Variants in DYSF observed in about 807,000 individuals in gnomAD.
DYSF encodes the protein dysferlin.
In DYSF, 212 loss-of-function variants were observed where a neutral mutation model predicts 274.9. That is an observed-to-expected ratio of 0.77 (90% confidence interval 0.69 to 0.86). DYSF has a LOEUF of 0.86. DYSF is among the 40% of genes least tolerant of loss of function. The pLI is 0.00. For synonymous variants in DYSF, 1,091 were observed against 1,078.7 expected (o/e 1.01, Z -0.22); for missense variants, 2,666 against 2,783.2 (o/e 0.96, Z 0.95).
chr2:71,667,281 C>T (rs2095031486), intron 47 of DYSF, 95 bp from the exon 48 acceptor site: 1 of 1,590,820 alleles, frequency 6.3e-7, no homozygotes, highest in Admixed American at 1.7e-5. Context: ...CTTCTTATGA[C>T]TCTTAGGCAG....
intron 2 of DYSF, 102 bp from the exon 3 acceptor site, chr2:71,481,777 A>G: frequency 1.2e-6 from 1 of 857,284 alleles, no homozygotes; most frequent in South Asian, 1.4e-5. Flanking sequence ...AGAATCATTC[A>G]TGAATGCCTA....
chr2:71,649,583 A>G (rs1352673115), intron 42 of DYSF, among the ~76,000 whole-genome samples: 1 of 152,220 alleles, frequency 6.6e-6, no homozygotes, highest in East Asian at 1.9e-4. Context: ...ATAAATGTAT[A>G]TAAATACTAG....
chr2:71,682,274 A>C (rs776918066), intron 54 of DYSF, among the ~76,000 whole-genome samples: 1 of 152,054 alleles, frequency 6.6e-6, no homozygotes. Flanking sequence ...ATGGCAGAGA[A>C]ACTGGGCCAC....
At chr2:71,535,369 C>G in intron 16 of DYSF, 58 bp downstream of exon 16, 2 of 1,533,338 alleles carry the variant, frequency 1.3e-6, no homozygotes, top group Non-Finnish European at 1.8e-6. Context: ...CGCTGGGTCC[C>G]TCAGTTTCAT....
intron 29 of DYSF, among the ~76,000 whole-genome samples, chr2:71,571,792 C>T (rs527633730): frequency 7.4e-6 from 1 of 134,752 alleles, no homozygotes; most frequent in African/African-American, 2.8e-5. Flanking sequence ...CAGATCACAC[C>T]CAGCACACAC....
chr2:71,512,754 A>G (rs1305076759), intron 5 of DYSF, among the ~76,000 whole-genome samples: 1 of 152,232 alleles, frequency 6.6e-6, no homozygotes, highest in African/African-American at 2.4e-5. Flanking sequence ...GGAGCAGCCC[A>G]TGTCTCAATT....
chr2:71,523,703 T>C (rs943195145), intron 12 of DYSF, among the ~76,000 whole-genome samples: 6 of 152,024 alleles, frequency 3.9e-5, no homozygotes, highest in African/African-American at 1.4e-4. Flanking sequence ...TGCGCCACCA[T>C]ATCCAGCTAA....
At position 71,667,531 on chromosome 2, in the gene DYSF, T is replaced by A; in HGVS notation, c.5457+16T>A. 6.2e-7 allele frequency: 1 copy of A among 1,613,872 alleles called. No individual in the cohort carries two copies. Among genetic ancestry groups the A allele is most frequent in the Non-Finnish European group, 8.5e-7 (1 of 1,179,898 alleles). On this transcript the variant is annotated intron_variant, in intron 48 of 55. Transcript: ENST00000410020. The stretch of plus-strand genomic sequence containing the variant: ...CATCGAGCAGGTAGGACCTTGACCC[T>A]TGGGTCCCAGAGTCCTCGAACTCCA...
At chr2:71,528,516 A>C (rs2088241902) in intron 14 of DYSF, 115 bp downstream of exon 14, 1 of 880,726 alleles carries the variant, frequency 1.1e-6, no homozygotes, top group Non-Finnish European at 1.8e-6. Flanking sequence ...GTGTGTGCAC[A>C]AGGAGTGGCT....
chr2:71,644,077 TC>T lies in DYSF; in HGVS notation c.4626+15del. ...GACACCCTGAAGGTAAGGCCTCTCT[TC>T]AGTCTGACAGTCGGTGTGTGTGTGC... On this transcript the variant is annotated intron_variant, in intron 42 of 55. Transcript: ENST00000410020. The T allele has an allele frequency of 6.2e-7, 1 of 1,601,810 alleles. No individual in the cohort carries two copies. The highest frequency in any genetic ancestry group is 1.3e-5 in the African/African-American group (1 of 74,882).
intron 4 of DYSF, among the ~76,000 whole-genome samples, chr2:71,509,732 T>C (rs549511624): frequency 6.6e-6 from 1 of 152,290 alleles, no homozygotes; most frequent in African/African-American, 2.4e-5. Context: ...GAAAGTTGGC[T>C]TCTGTGTCCT....
intron 30 of DYSF, among the ~76,000 whole-genome samples, chr2:71,589,254 C>G (rs2093174319): frequency 6.6e-6 from 1 of 152,182 alleles, no homozygotes; most frequent in Non-Finnish European, 1.5e-5. Flanking sequence ...CTGGACTTGT[C>G]CCTAGTGGGC....
chr2:71,623,228 G>C (rs568883175), intron 41 of DYSF, among the ~76,000 whole-genome samples: 2 of 151,956 alleles, frequency 1.3e-5, no homozygotes, highest in African/African-American at 4.8e-5. Context: ...ACATTGTGCA[G>C]GTTAGTTACA....
chr2:71,525,490 C>T (rs1342041748), intron 12 of DYSF, among the ~76,000 whole-genome samples: 1 of 152,126 alleles, frequency 6.6e-6, no homozygotes, highest in Non-Finnish European at 1.5e-5. Context: ...TCCCAGAGTG[C>T]TAGGATTACA....
At chr2:71,640,416 T>G (rs1212532157) in intron 41 of DYSF, among the ~76,000 whole-genome samples, 1 of 152,242 alleles carries the variant, frequency 6.6e-6, no homozygotes, top group Non-Finnish European at 1.5e-5. Flanking sequence ...GGCAAATTTT[T>G]TTTAAAGGGT....
intron 41 of DYSF, among the ~76,000 whole-genome samples, chr2:71,631,079 A>G (rs932361329): frequency 2.3e-4 from 35 of 152,170 alleles, no homozygotes; most frequent in African/African-American, 7.0e-4. Flanking sequence ...GCCTTATTGC[A>G]GCTCATGAGT....
chr2:71,535,102 C>T lies in DYSF; in HGVS notation c.1449+13C>T, dbSNP rs4852801. ...ACTGCCTGCCATGGTGAGCCTCCTGCCCCCAGCAAACCCAAGGAGGCCCCT... is the reference window on the plus strand; with the variant it reads ...ACTGCCTGCCATGGTGAGCCTCCTGTCCCCAGCAAACCCAAGGAGGCCCCT... On this transcript the variant is annotated intron_variant, in intron 15 of 55. Coordinates refer to ENST00000410020, the MANE Select transcript of DYSF (RefSeq NM_001130987.2). The T allele has an allele frequency of 0.64, 1,036,375 of 1,613,172 alleles. 342,006 individuals are homozygous for T. Among genetic ancestry groups the T allele is most frequent in the Middle Eastern group, 0.69 (4,174 of 6,058 alleles).
At chr2:71,498,819 T>C (rs1371084385) in intron 3 of DYSF, among the ~76,000 whole-genome samples, 1 of 152,246 alleles carries the variant, frequency 6.6e-6, no homozygotes, top group Non-Finnish European at 1.5e-5. Context: ...TCTCTTTCAC[T>C]GTCATCATTC....
At chr2:71,455,818 C>T (rs1282378514) in intron 1 of DYSF, among the ~76,000 whole-genome samples, 2 of 152,142 alleles carry the variant, frequency 1.3e-5, no homozygotes, top group East Asian at 3.9e-4. Context: ...CTGGCTTCCA[C>T]TCAGCCTGAA....
Sources: gnomAD v4.1 joint callset for allele counts (sites outside exome capture counted in the v4.1 genomes callset) on GRCh38, gnomAD v4.1.1 for gene constraint, MANE v1.5 for transcripts, NCBI Gene and HGNC (gene_info 2026-07-23, HGNC 2026-07-21) for gene names.